Variants in PRKG1 observed in about 807,000 individuals in gnomAD.
PRKG1 encodes protein kinase cGMP-dependent 1, also known as cGMP-dependent protein kinase 1.
PRKG1 carries 35 observed loss-of-function variants against 88.1 expected under a neutral mutation model. The ratio of observed to expected loss-of-function variants is 0.40; its 90% CI spans 0.30 to 0.53. The LOEUF (loss-of-function observed/expected upper bound fraction) is 0.53, where lower values mean the gene tolerates loss of function less well. Ranked by LOEUF, PRKG1 falls within the 20% of genes least tolerant of loss-of-function variation. PRKG1 has a pLI of 0.59. For synonymous variants in PRKG1, 303 were observed against 292.5 expected, an observed-to-expected ratio of 1.04 and a Z score of -0.37; for missense variants, 540 against 839.8, an observed-to-expected ratio of 0.64 and a Z score of 4.41.
At chr10:51,938,052 C>G (rs76397226) in intron 5 of PRKG1, among the ~76,000 whole-genome samples, 7,419 of 152,006 alleles carry the variant, frequency 0.049, 419 homozygotes, top group African/African-American at 0.14. Context: ...CTAAAATCAC[C>G]TGAAGCAGAT....
chr10:51,629,535 C>T (rs764718226), intron 3 of PRKG1, among the ~76,000 whole-genome samples: 3 of 151,882 alleles, frequency 2.0e-5, no homozygotes, highest in African/African-American at 7.2e-5. Context: ...TGATTGCTGT[C>T]GCTGCAGAAA....
chr10:51,762,485 T>C (rs1400459543), intron 3 of PRKG1, among the ~76,000 whole-genome samples: 6 of 152,182 alleles, frequency 3.9e-5, no homozygotes, highest in Non-Finnish European at 5.9e-5. Context: ...TGTAACTCAA[T>C]AGTATATTCA....
At chr10:51,749,487 G>C (rs906555928) in intron 3 of PRKG1, among the ~76,000 whole-genome samples, 9 of 152,020 alleles carry the variant, frequency 5.9e-5, no homozygotes, top group Non-Finnish European at 1.0e-4. Flanking sequence ...CTTCTTATAA[G>C]GCCATGAAAC....
chr10:51,897,232 AT>A (rs1223231158), intron 4 of PRKG1, among the ~76,000 whole-genome samples: 3 of 152,296 alleles, frequency 2.0e-5, no homozygotes, highest in African/African-American at 7.2e-5. Flanking sequence ...ATATGGATTG[AT>A]TTTTTTAGTA....
intron 3 of PRKG1, among the ~76,000 whole-genome samples, chr10:51,733,533 A>G (rs1035694791): frequency 1.3e-5 from 2 of 152,164 alleles, no homozygotes; most frequent in Admixed American, 6.5e-5. Context: ...TATAAGATGG[A>G]GTTGAAAAGC....
intron 8 of PRKG1, among the ~76,000 whole-genome samples, chr10:52,148,963 T>TTTTTTTTTTTTTTTTTTTTTG (rs1837817112): frequency 6.9e-6 from 1 of 144,980 alleles, no homozygotes; most frequent in African/African-American, 2.5e-5. Context: ...TTTGCTTTTT[T>TTTTTTTTTTTTTTTTTTTTTG]TTTTTTTTTT....
At position 51,406,914 on chromosome 10, in the gene PRKG1, C is replaced by T. The variant is rs554964851; in HGVS notation, c.479-60809C>T. ...CCACAATCAGCCGTCTGCAAGCTGA[C>T]GAGCAAGGAGGACCAGTCCGAGTTC... On this transcript the variant is annotated intron_variant, in intron 2 of 17. Transcript: ENST00000373980. 3.7e-4 allele frequency among the ~76,000 whole-genome samples: 57 copies of T among 152,270 alleles called. 1 individual carries two copies. In the South Asian group the frequency reaches 0.011, roughly 29 times the overall value.
intron 4 of PRKG1, among the ~76,000 whole-genome samples, chr10:51,850,185 T>C (rs1273926885): frequency 1.3e-5 from 2 of 152,218 alleles, no homozygotes; most frequent in Non-Finnish European, 2.9e-5. Flanking sequence ...CCAATATATA[T>C]ATTTTTTTGA....
At chr10:51,055,480 A>C (rs1044956935) in intron 1 of PRKG1, among the ~76,000 whole-genome samples, 1 of 152,144 alleles carries the variant, frequency 6.6e-6, no homozygotes, top group African/African-American at 2.4e-5. Flanking sequence ...TCAAATAGAC[A>C]GGTCAATATC....
intron 3 of PRKG1, among the ~76,000 whole-genome samples, chr10:51,650,402 A>G (rs1473836304): frequency 2.6e-5 from 4 of 152,194 alleles, no homozygotes; most frequent in African/African-American, 9.7e-5. Flanking sequence ...CATACTAAGC[A>G]TAGTATCTTT....
At chr10:50,996,826 C>T (rs1011116419) in intron 1 of PRKG1, among the ~76,000 whole-genome samples, 6 of 152,194 alleles carry the variant, frequency 3.9e-5, no homozygotes, top group Admixed American at 1.3e-4. Context: ...TAACCTGTTA[C>T]CTCTTTCTGA....
chr10:52,172,086 G>A (rs1010540892), intron 9 of PRKG1, among the ~76,000 whole-genome samples: 1 of 152,156 alleles, frequency 6.6e-6, no homozygotes. Flanking sequence ...ACAGGCGTGA[G>A]CCACCGCGCC....
chr10:51,094,905 G>A lies in PRKG1; in HGVS notation c.311+20004G>A, dbSNP rs529893922. Among the ~76,000 whole-genome samples, 8 of 152,182 alleles carry A rather than the reference G, an allele frequency of 5.3e-5. No individual in the cohort carries two copies. In the South Asian group the frequency reaches 1.5e-3, roughly 28 times the overall value. On this transcript the variant is annotated intron_variant, in intron 1 of 17. Coordinates refer to ENST00000373980, the MANE Select transcript of PRKG1 (RefSeq NM_006258.4). ...CAGAAGCTATATTAGTCCACAATTA[G>A]CATTTGAGTCACTTGAAGCTTAGGG...
chr10:51,996,040 C>T (rs534967037), intron 5 of PRKG1, among the ~76,000 whole-genome samples: 7 of 151,968 alleles, frequency 4.6e-5, no homozygotes, highest in Non-Finnish European at 8.8e-5. Flanking sequence ...TGGCCGGGCA[C>T]GGTGGCTTAC....
At chr10:52,189,458 C>T (rs1047330782) in intron 9 of PRKG1, among the ~76,000 whole-genome samples, 2 of 152,206 alleles carry the variant, frequency 1.3e-5, no homozygotes, top group African/African-American at 4.8e-5. Flanking sequence ...AGTAGACAAG[C>T]GAGCATTACT....
chr10:51,508,126 A>G (rs894607815), intron 3 of PRKG1, among the ~76,000 whole-genome samples: 7 of 152,108 alleles, frequency 4.6e-5, no homozygotes, highest in African/African-American at 1.4e-4. Flanking sequence ...ACTTATAGAT[A>G]CCCCATAGAG....
intron 7 of PRKG1, among the ~76,000 whole-genome samples, chr10:52,071,858 C>T (rs1470725718): frequency 6.6e-6 from 1 of 152,200 alleles, no homozygotes; most frequent in Non-Finnish European, 1.5e-5. Flanking sequence ...TTGAAGATAA[C>T]ATTGAAAGAA....
chr10:51,851,952 C>T (rs2132808662), intron 4 of PRKG1, among the ~76,000 whole-genome samples: 1 of 152,070 alleles, frequency 6.6e-6, no homozygotes, highest in Non-Finnish European at 1.5e-5. Context: ...GTGATGCTCG[C>T]CATGGTCAAG....
chr10:51,056,768 T>C (rs1843630817), intron 1 of PRKG1, among the ~76,000 whole-genome samples: 1 of 152,172 alleles, frequency 6.6e-6, no homozygotes, highest in Admixed American at 6.6e-5. Flanking sequence ...GTCTCCTATC[T>C]GCCTTTCACC....
Sources: allele counts gnomAD v4.1 joint callset (sites outside exome capture counted in the v4.1 genomes callset), GRCh38; gene constraint gnomAD v4.1.1; transcripts MANE v1.5; gene names NCBI Gene and HGNC (gene_info 2026-07-23, HGNC 2026-07-21).